NTM: variants seen among roughly 807,000 people sequenced by gnomAD.
NTM encodes the protein IgLON family member 2.
Under a neutral mutation model 42.1 loss-of-function variants are expected in NTM, and 13 were observed. That is an observed-to-expected ratio of 0.31 (90% CI 0.20 to 0.49). The LOEUF is 0.49. NTM is among the 20% of genes least tolerant of loss of function. NTM has a pLI of 0.99. For missense variants in NTM, 373 were observed against 452.8 expected (o/e 0.82, Z 1.60); for synonymous variants, 187 against 179.2 (o/e 1.04, Z -0.35).
intron 1 of NTM, among the ~76,000 whole-genome samples, chr11:131,876,989 A>G (rs1047564635): frequency 1.3e-4 from 20 of 151,948 alleles, no homozygotes; most frequent in African/African-American, 4.3e-4. Context: ...CTCCCAAGTA[A>G]CTGGGATTAC....
Position 132,327,553 on chromosome 11 carries a change from C to T in NTM, c.935-2600C>T, listed in dbSNP as rs933438450. Among the ~76,000 whole-genome samples, 5 of 152,210 alleles carry T rather than the reference C, an allele frequency of 3.3e-5. No individual in the cohort carries two copies. In the East Asian group the frequency reaches 7.7e-4, roughly 23 times the overall value. The stretch of plus-strand genomic sequence containing the variant: ...AAAAGAAAGAAAATTCCCTCACCCT[C>T]TTGCTAGAAGGTTTGTATATCCGTC... On this transcript the variant is annotated intron_variant, in intron 7 of 8. Coordinates refer to ENST00000683400, the MANE Select transcript of NTM (RefSeq NM_001352005.2).
intron 2 of NTM, among the ~76,000 whole-genome samples, chr11:132,025,527 C>T (rs1010737641): frequency 2.0e-5 from 3 of 152,138 alleles, no homozygotes; most frequent in Non-Finnish European, 2.9e-5. Flanking sequence ...ACGAGAAATT[C>T]TTGGGGTTGA....
At chr11:131,663,961 T>C (rs2068546112) in intron 1 of NTM, among the ~76,000 whole-genome samples, 1 of 152,198 alleles carries the variant, frequency 6.6e-6, no homozygotes, top group Admixed American at 6.5e-5. Flanking sequence ...GACTACAGTA[T>C]TTGTGCACTT....
chr11:132,104,609 G>GTAATAATAATAATAATAATAATAA (rs147673814), intron 2 of NTM, among the ~76,000 whole-genome samples: 13 of 146,326 alleles, frequency 8.9e-5, no homozygotes, highest in African/African-American at 3.3e-4. Flanking sequence ...ATAACTAATA[G>GTAATAATAATAATAATAATAATAA]TAATAATCAT....
At chr11:132,011,058 C>T (rs1366160259) in intron 2 of NTM, among the ~76,000 whole-genome samples, 2 of 151,566 alleles carry the variant, frequency 1.3e-5, no homozygotes, top group Non-Finnish European at 2.9e-5. Flanking sequence ...TGTTTTCATA[C>T]ATGTTAATTA....
chr11:131,401,824 A>G (rs865948507), intron 1 of NTM, among the ~76,000 whole-genome samples: 13 of 64,100 alleles, frequency 2.0e-4, no homozygotes, highest in South Asian at 1.2e-3. Flanking sequence ...ATATATATAT[A>G]TATATATATA....
chr11:131,375,861 G>T (rs141331987), intron 1 of NTM, among the ~76,000 whole-genome samples: 3 of 152,158 alleles, frequency 2.0e-5, no homozygotes, highest in Admixed American at 2.0e-4. Flanking sequence ...TGCTACCACT[G>T]CTTAAACTGA....
chr11:132,112,393 G>A (rs1455309657), intron 2 of NTM, among the ~76,000 whole-genome samples: 1 of 152,100 alleles, frequency 6.6e-6, no homozygotes, highest in Non-Finnish European at 1.5e-5. Context: ...AAAAAATGAA[G>A]AAAGACATTT....
At chr11:131,639,680 C>T (rs1193531007) in intron 1 of NTM, among the ~76,000 whole-genome samples, 2 of 152,104 alleles carry the variant, frequency 1.3e-5, no homozygotes, top group East Asian at 1.9e-4. Context: ...GGCCCTGGCC[C>T]GGCGCGGTGG....
At chr11:131,791,913 C>T (rs2090992007) in intron 1 of NTM, among the ~76,000 whole-genome samples, 1 of 152,140 alleles carries the variant, frequency 6.6e-6, no homozygotes, top group African/African-American at 2.4e-5. Flanking sequence ...TAAATAGAAA[C>T]AGCAGTGTCT....
At chr11:132,314,363 G>A (rs1194091739) in intron 6 of NTM, 189 bp from the exon 7 acceptor site, 1 of 230,768 alleles carries the variant, frequency 4.3e-6, no homozygotes, top group Non-Finnish European at 7.2e-6. Flanking sequence ...TGAAAATCAA[G>A]AAACAACGTG....
intron 1 of NTM, among the ~76,000 whole-genome samples, chr11:131,841,753 C>T (rs137954437): frequency 6.6e-6 from 1 of 152,058 alleles, no homozygotes; most frequent in Non-Finnish European, 1.5e-5. Flanking sequence ...GGAAGAGCCC[C>T]CTGAGCTGAG....
intron 2 of NTM, among the ~76,000 whole-genome samples, chr11:131,999,182 C>T (rs2068701926): frequency 6.6e-6 from 1 of 152,076 alleles, no homozygotes; most frequent in South Asian, 2.1e-4. Flanking sequence ...AAGGAGGGGT[C>T]CCTGCAATGT....
At chr11:132,124,974 G>T (rs1270478784) in intron 2 of NTM, among the ~76,000 whole-genome samples, 1 of 152,148 alleles carries the variant, frequency 6.6e-6, no homozygotes, top group Non-Finnish European at 1.5e-5. Context: ...CTTCAGCCTG[G>T]GTGCCAGCAT....
chr11:131,648,671 A>G (rs936757586), intron 1 of NTM, among the ~76,000 whole-genome samples: 1 of 152,224 alleles, frequency 6.6e-6, no homozygotes, highest in African/African-American at 2.4e-5. Flanking sequence ...TTGATAACAT[A>G]TATTCTTACA....
intron 3 of NTM, among the ~76,000 whole-genome samples, chr11:132,209,061 C>T (rs1413067349): frequency 6.6e-6 from 1 of 152,078 alleles, no homozygotes; most frequent in Non-Finnish European, 1.5e-5. Context: ...GTGGCTGGTG[C>T]ATGAGATGGG....
chr11:131,690,491 G>T (rs1284837123), intron 1 of NTM, among the ~76,000 whole-genome samples: 3 of 152,206 alleles, frequency 2.0e-5, no homozygotes, highest in African/African-American at 7.2e-5. Context: ...TGCTGCACGG[G>T]CTCAGCATGG....
At chr11:132,309,279 C>T (rs1362966665) in intron 5 of NTM, among the ~76,000 whole-genome samples, 2 of 152,148 alleles carry the variant, frequency 1.3e-5, no homozygotes, top group South Asian at 4.1e-4. Context: ...AAACCAAGTG[C>T]GTAGGCCTAG....
At chr11:131,572,517 T>G (rs563115611) in intron 1 of NTM, among the ~76,000 whole-genome samples, 2 of 152,326 alleles carry the variant, frequency 1.3e-5, no homozygotes, top group Admixed American at 6.5e-5. Context: ...CTATGCCTTT[T>G]GACCTTTGGT....
Sources: allele counts gnomAD v4.1 joint callset (sites outside exome capture counted in the v4.1 genomes callset), GRCh38; gene constraint gnomAD v4.1.1; transcripts MANE v1.5; gene names NCBI Gene and HGNC (gene_info 2026-07-23, HGNC 2026-07-21).